The following CELSR1 variants were observed in gnomAD, a reference collection of about 807,000 sequenced individuals.
The protein encoded by CELSR1 is cadherin EGF LAG seven-pass G-type receptor 1, also known as adhesion G protein-coupled receptor C1.
In CELSR1, 110 loss-of-function variants were observed where a neutral mutation model predicts 249.1. The ratio of observed to expected loss-of-function variants is 0.44; its 90% confidence interval spans 0.38 to 0.52. CELSR1 has a LOEUF of 0.52. Among genes scored for constraint, CELSR1 ranks in the 20% least tolerant of loss-of-function variants. The probability of loss-of-function intolerance (pLI) is 0.00; values close to 1 mark genes in which losing one functional copy is unlikely to be tolerated. For missense variants in CELSR1, 4,109 were observed against 4,296.4 expected (o/e 0.96, Z 1.22); for synonymous variants, 2,113 against 1,900.0 (o/e 1.11, Z -2.92).
At chr22:46,383,793 A>G (rs1220583504) in intron 20 of CELSR1, among the ~76,000 whole-genome samples, 1 of 152,090 alleles carries the variant, frequency 6.6e-6, no homozygotes, top group African/African-American at 2.4e-5. Context: ...CGGCCTCCCA[A>G]AGTGTTGGGG....
intron 1 of CELSR1, among the ~76,000 whole-genome samples, chr22:46,531,943 C>G (rs879288619): frequency 9.9e-5 from 7 of 70,990 alleles, no homozygotes; most frequent in Non-Finnish European, 1.4e-4. Flanking sequence ...GAGCCAATAA[C>G]TGGATGACTG....
In CELSR1 at chr22:46,386,649, A is replaced by C. The variant is rs141599494; in HGVS notation, c.6556-64T>G. 2,237 of 1,386,984 alleles carry C rather than the reference A, an allele frequency of 1.6e-3. 30 individuals carry two copies. In the African/African-American group the frequency reaches 0.029, roughly 18 times the overall value. The allele number at this position is 1,386,984 out of a possible 1,614,324, so 85.9% of individuals were successfully genotyped here. The stretch of plus-strand genomic sequence containing the variant: ...GGCCTGGCTCGTGGGACGGAGGGAC[A>C]CCTGCCCTGAAAGCCTTTGCTTGCC... On this transcript the variant is annotated intron_variant, in intron 18 of 34. Coordinates refer to ENST00000674500, the MANE Select transcript of CELSR1 (RefSeq NM_001378328.1).
chr22:46,361,663 T>TC lies in CELSR1; in HGVS notation c.*1559dup, dbSNP rs1016881812. 2 of 152,242 alleles carry TC rather than the reference T, an allele frequency of 1.3e-5. No homozygotes were observed. The highest frequency in any genetic ancestry group is 1.3e-4 in the Admixed American group (2 of 15,286). 9.4% of individuals were successfully genotyped at this position (152,242 alleles called of 1,614,324 possible). On this transcript the variant is annotated 3_prime_UTR_variant, in exon 35 of 35. Transcript: ENST00000674500. The stretch of plus-strand genomic sequence containing the variant: ...CCTGGACCATTTTCAGATACGCTTT[T>TC]CCTCTCCCATAGGCATCTGCTAACA...
At chr22:46,366,314 G>A in intron 30 of CELSR1, 72 bp downstream of exon 30, 1 of 1,215,122 alleles carries the variant, frequency 8.2e-7, no homozygotes, top group South Asian at 1.4e-5. Context: ...GCAGGACACA[G>A]GTTGGGGTGG....
At position 46,374,702 on chromosome 22, in the gene CELSR1, T is replaced by A. The variant is rs2078898444; in HGVS notation, c.7585-1645A>T. Among the ~76,000 whole-genome samples the A allele has an allele frequency of 6.6e-6, 1 of 152,140 alleles. No homozygotes were observed. Among genetic ancestry groups the A allele is most frequent in the Admixed American group, 6.5e-5 (1 of 15,272 alleles). On this transcript the variant is annotated intron_variant, in intron 24 of 34. Transcript: ENST00000674500. The surrounding 1 kb of genome is among the most constrained non-coding windows in gnomAD (Gnocchi z 4.3). ...CCTGCACCGACTCCCCTCTCCCCCA[T>A]TCACGCCACTCAAAAGCACACTAGA... is the stretch of plus-strand genomic sequence containing the variant.
In CELSR1 at chr22:46,401,709, G is replaced by T. The variant is rs9627445; in HGVS notation, c.5227-1807C>A. On this transcript the variant is annotated intron_variant, in intron 9 of 34. Coordinates refer to ENST00000674500, the MANE Select transcript of CELSR1 (RefSeq NM_001378328.1). This position sits in a 1 kb window ranked among gnomAD's most constrained non-coding sequence, Gnocchi z 4.7. Reference sequence around the variant, plus strand: ...AAACTGGGGTTCATGGACTGCCAAGGGTTGTTCCTTGGCTTCTGGTTGGAA... The same window carrying T: ...AAACTGGGGTTCATGGACTGCCAAGTGTTGTTCCTTGGCTTCTGGTTGGAA... Among the ~76,000 whole-genome samples the T allele has an allele frequency of 0.13, 20,224 of 152,178 alleles. 2,496 individuals carry two copies. Among genetic ancestry groups the T allele is most frequent in the African/African-American group, 0.33 (13,621 of 41,480 alleles).
In CELSR1 at chr22:46,380,626, GAA is replaced by G. The variant is rs1373820950; in HGVS notation, c.7256+160_7256+161del. On this transcript the variant is annotated intron_variant, in intron 22 of 34. Transcript: ENST00000674500. This position sits in a 1 kb window ranked among gnomAD's most constrained non-coding sequence, Gnocchi z 5.1. ...AGGGGAGGACTCTGATATTCCCACA[GAA>G]GCAGAGCAGGAGGCTCACTGCCCCC... Among the ~76,000 whole-genome samples, 1 of 152,202 alleles carries G rather than the reference GAA, an allele frequency of 6.6e-6. No homozygotes were observed. The highest frequency in any genetic ancestry group is 2.4e-5 in the African/African-American group (1 of 41,438).
rs966509250 is a variant in CELSR1 at position 46,472,034 on chromosome 22, G to A, written c.3545-7689C>T. 9.2e-5 allele frequency among the ~76,000 whole-genome samples: 14 copies of A among 152,104 alleles called. No homozygotes were observed. Among genetic ancestry groups the A allele is most frequent in the African/African-American group, 2.9e-4 (12 of 41,430 alleles). ...CACCCACCCAGCACTCTCTCTGCCC[G>A]TGCTCCAGGCATTCCTCCCAGGCCT... On this transcript the variant is annotated intron_variant, in intron 1 of 34. Coordinates refer to ENST00000674500, the MANE Select transcript of CELSR1 (RefSeq NM_001378328.1). This position sits in a 1 kb window ranked among gnomAD's most constrained non-coding sequence, Gnocchi z 7.0.
In CELSR1 at chr22:46,534,513, A is replaced by G; in HGVS notation, c.2658T>C (p.Asn886=). Residue 886 remains asparagine, a synonymous_variant, in exon 1 of 35, where the codon AAT becomes AAC. Coordinates refer to ENST00000674500, the MANE Select transcript of CELSR1 (RefSeq NM_001378328.1). The surrounding 1 kb of genome is among the most constrained non-coding windows in gnomAD (Gnocchi z 9.7). ...CCCACAGGAACTGGGGTGCATTGTC[A>G]TTGGCATCGAGGATGAGGATCTCTA... ...TTLEILILDA[N]DNAPQFLWDF... 1.2e-6 allele frequency: 2 copies of G among 1,613,398 alleles called. No homozygotes were observed. The highest frequency in any genetic ancestry group is 1.7e-6 in the Non-Finnish European group (2 of 1,180,026).
Position 46,389,461 on chromosome 22 carries a change from G to A in CELSR1, c.6384C>T (p.Gly2128=), listed in dbSNP as rs1161622776. ...KLSRNETQVD[G]ARALQLVRAL... is the part of the protein sequence containing the mutation. ...CCCTCACCAGCTGCAGGGCCCTGGC[G>A]CCGTCCACCTGCGTCTCATTGCGGC... Residue 2128 remains glycine, a synonymous_variant, in exon 18 of 35, where the codon GGC becomes GGT. Transcript: ENST00000674500. 7.4e-6 allele frequency: 12 copies of A among 1,613,112 alleles called. No individual in the cohort carries two copies. Among genetic ancestry groups the A allele is most frequent in the African/African-American group, 4.0e-5 (3 of 74,950 alleles).
chr22:46,519,048 C>T (rs2080658240), intron 1 of CELSR1, among the ~76,000 whole-genome samples: 1 of 151,616 alleles, frequency 6.6e-6, no homozygotes, highest in African/African-American at 2.4e-5. Context: ...AAAAAAACAC[C>T]AACATAAAGA....
chr22:46,411,135 G>C lies in CELSR1; in HGVS notation c.4769+467C>G, dbSNP rs1474455989. Among the ~76,000 whole-genome samples, 4 of 152,130 alleles carry C rather than the reference G, an allele frequency of 2.6e-5. No homozygotes were observed. The highest frequency in any genetic ancestry group is 4.4e-5 in the Non-Finnish European group (3 of 68,030). Reference sequence around the variant, plus strand: ...GATGGCTTGAGTCCAGGAGGTCAAGGCTTCAGTGAGCTAGAATCGTGCCAC... The same window carrying C: ...GATGGCTTGAGTCCAGGAGGTCAAGCCTTCAGTGAGCTAGAATCGTGCCAC... On this transcript the variant is annotated intron_variant, in intron 6 of 34. Coordinates refer to ENST00000674500, the MANE Select transcript of CELSR1 (RefSeq NM_001378328.1). This position sits in a 1 kb window ranked among gnomAD's most constrained non-coding sequence, Gnocchi z 4.2.
chr22:46,507,846 G>C (rs1054970313), intron 1 of CELSR1, among the ~76,000 whole-genome samples: 42 of 120,060 alleles, frequency 3.5e-4, no homozygotes, highest in African/African-American at 1.2e-3. Flanking sequence ...GAGTACAGTG[G>C]GCAGTCAGAG....
intron 1 of CELSR1, among the ~76,000 whole-genome samples, chr22:46,467,703 TC>T (rs1421591633): frequency 3.3e-5 from 5 of 151,428 alleles, no homozygotes; most frequent in Admixed American, 1.3e-4. Context: ...GCGCCTGTAG[TC>T]CCAGCTACTC....
rs1425241304 is a variant in CELSR1 at position 46,408,967 on chromosome 22, G to A, written c.5226+29C>T. 6 of 1,572,578 alleles carry A rather than the reference G, an allele frequency of 3.8e-6. No individual in the cohort carries two copies. The highest frequency in any genetic ancestry group is 4.3e-6 in the Non-Finnish European group (5 of 1,160,792). On this transcript the variant is annotated intron_variant, in intron 9 of 34. Coordinates refer to ENST00000674500, the MANE Select transcript of CELSR1 (RefSeq NM_001378328.1). The surrounding 1 kb of genome is among the most constrained non-coding windows in gnomAD (Gnocchi z 4.6). The stretch of plus-strand genomic sequence containing the variant: ...CCTCCCTCGGGCACCCACCTAGCAG[G>A]TGCCTTGGTGGCACGGGGCCCCAGT...
At chr22:46,481,490 G>A in intron 1 of CELSR1, 1 of 1,563,866 alleles carries the variant, frequency 6.4e-7, no homozygotes, top group Non-Finnish European at 8.7e-7. Flanking sequence ...TCGTTGCAAT[G>A]CGTGGTGCAC....
rs3747250 is a variant in CELSR1, at chr22:46,428,013, C to T, written c.4611+5380G>A. ...CTGGGGTTTAATGTGCAGCACAGAC[C>T]CAAGAGGTTTTGAATGACCTGACAA... On this transcript the variant is annotated intron_variant, in intron 5 of 34. Transcript: ENST00000674500. The surrounding 1 kb of genome is among the most constrained non-coding windows in gnomAD (Gnocchi z 5.7). 0.12 allele frequency among the ~76,000 whole-genome samples: 18,868 copies of T among 152,058 alleles called. 1,632 individuals carry two copies. The highest frequency in any genetic ancestry group is 0.24 in the African/African-American group (10,054 of 41,428).
intron 2 of CELSR1, among the ~76,000 whole-genome samples, chr22:46,457,353 G>T (rs1272990790): frequency 6.6e-6 from 1 of 151,850 alleles, no homozygotes; most frequent in Non-Finnish European, 1.5e-5. Flanking sequence ...CGGGGGCGGG[G>T]AAAAAGATTA....
chr22:46,383,799 T>C (rs770558146), intron 20 of CELSR1, among the ~76,000 whole-genome samples: 3 of 152,194 alleles, frequency 2.0e-5, no homozygotes, highest in Non-Finnish European at 4.4e-5. Context: ...CCCAAAGTGT[T>C]GGGGTTACAG....
Sources: allele counts gnomAD v4.1 joint callset (sites outside exome capture counted in the v4.1 genomes callset), GRCh38; gene constraint gnomAD v4.1.1; non-coding constraint Gnocchi (gnomAD v3.1); transcripts MANE v1.5; gene names NCBI Gene and HGNC (gene_info 2026-07-23, HGNC 2026-07-21).